PDE4B: variants seen among roughly 807,000 people sequenced by gnomAD.
The protein encoded by PDE4B is phosphodiesterase 4B, also known as 3',5'-cyclic-AMP phosphodiesterase 4B.
A neutral mutation model predicts 82.2 loss-of-function variants in PDE4B; 20 were observed. That is an observed-to-expected ratio of 0.24 (90% CI 0.17 to 0.35). The LOEUF (loss-of-function observed/expected upper bound fraction) is 0.35. Among genes scored for constraint, PDE4B ranks in the 10% least tolerant of loss-of-function variants. PDE4B has a pLI of 1.00. For synonymous variants in PDE4B, 320 were observed against 318.9 expected (o/e 1.00, Z -0.04); for missense variants, 655 against 907.2 (o/e 0.72, Z 3.57).
intron 3 of PDE4B, among the ~76,000 whole-genome samples, chr1:66,040,377 G>A (rs1654302527): frequency 6.6e-6 from 1 of 152,018 alleles, no homozygotes; most frequent in Non-Finnish European, 1.5e-5. Flanking sequence ...GAAGAAGGGG[G>A]CTGGAGGCAC....
At chr1:66,241,725 AAC>A (rs1410736176) in intron 3 of PDE4B, among the ~76,000 whole-genome samples, 1 of 152,064 alleles carries the variant, frequency 6.6e-6, no homozygotes, top group Non-Finnish European at 1.5e-5. Flanking sequence ...CTACCCCCAC[AAC>A]ACACACACTC....
intron 3 of PDE4B, among the ~76,000 whole-genome samples, chr1:65,984,706 G>T (rs1474467882): frequency 6.6e-6 from 1 of 152,110 alleles, no homozygotes. Flanking sequence ...AGTGAGCCGA[G>T]ATGGTGCCAC....
intron 1 of PDE4B, among the ~76,000 whole-genome samples, chr1:65,883,778 A>G (rs1430143169): frequency 6.6e-6 from 1 of 152,140 alleles, no homozygotes; most frequent in Non-Finnish European, 1.5e-5. Flanking sequence ...ATTCAGTATG[A>G]TATTGGCTGT....
chr1:65,811,725 G>A (rs1160209722), intron 1 of PDE4B, among the ~76,000 whole-genome samples: 2 of 152,102 alleles, frequency 1.3e-5, no homozygotes, highest in Non-Finnish European at 2.9e-5. Context: ...TTAAGTACAT[G>A]ATAGCTACTA....
chr1:65,886,287 T>A (rs142982559), intron 1 of PDE4B, among the ~76,000 whole-genome samples: 1 of 152,280 alleles, frequency 6.6e-6, no homozygotes, highest in East Asian at 1.9e-4. Flanking sequence ...ATGGGGTACA[T>A]GTGGTATTTT....
At chr1:66,372,016 C>T (rs2050799862) in intron 16 of PDE4B, among the ~76,000 whole-genome samples, 1 of 152,150 alleles carries the variant, frequency 6.6e-6, no homozygotes, top group African/African-American at 2.4e-5. Flanking sequence ...GGGACTGAGT[C>T]CCAGCTCCAC....
At chr1:66,157,231 C>T (rs1029062451) in intron 3 of PDE4B, among the ~76,000 whole-genome samples, 12 of 152,150 alleles carry the variant, frequency 7.9e-5, no homozygotes, top group Non-Finnish European at 1.5e-4. Context: ...TCTGTCCACA[C>T]GTCCCTAGAA....
chr1:65,984,863 G>A (rs1650874174), intron 3 of PDE4B, among the ~76,000 whole-genome samples: 1 of 152,116 alleles, frequency 6.6e-6, no homozygotes, highest in African/African-American at 2.4e-5. Context: ...TTTTACATAT[G>A]TAATATTGCA....
intron 1 of PDE4B, among the ~76,000 whole-genome samples, chr1:65,836,601 A>G (rs1570994511): frequency 6.6e-6 from 1 of 152,176 alleles, no homozygotes; most frequent in East Asian, 1.9e-4. Flanking sequence ...AAGCACTTGT[A>G]CTATTCTCTG....
intron 3 of PDE4B, among the ~76,000 whole-genome samples, chr1:66,034,335 T>A (rs555273776): frequency 4.6e-5 from 7 of 152,274 alleles, no homozygotes; most frequent in East Asian, 1.9e-4. Context: ...ACAGGAGAGG[T>A]TTTTTGCTAT....
rs72920217 is a variant in PDE4B, at chr1:66,077,972, G to A, written c.281+159137G>A. On this transcript the variant is annotated intron_variant, in intron 3 of 16. Coordinates refer to ENST00000341517, the MANE Select transcript of PDE4B (RefSeq NM_002600.4). The stretch of plus-strand genomic sequence containing the variant: ...TATTTCTCACAATGGTAGCCAGTTC[G>A]TGGATTTTGTGAGAATTAAATAAGT... Among the ~76,000 whole-genome samples the A allele has an allele frequency of 8.8e-3, 1,338 of 152,242 alleles. 20 individuals are homozygous for A. The highest frequency in any genetic ancestry group is 0.03 in the African/African-American group (1,248 of 41,568).
chr1:66,116,211 GT>G (rs5774800), intron 3 of PDE4B, among the ~76,000 whole-genome samples: 145,469 of 151,598 alleles, frequency 0.96, 69,973 homozygotes, highest in East Asian at 1. Flanking sequence ...CTATTTCTGG[GT>G]TTTTTTTTTA....
At chr1:65,957,846 G>A (rs1333796169) in intron 3 of PDE4B, among the ~76,000 whole-genome samples, 3 of 151,954 alleles carry the variant, frequency 2.0e-5, no homozygotes, top group Non-Finnish European at 4.4e-5. Context: ...AATAAAATTA[G>A]ATTTTATATT....
intron 3 of PDE4B, among the ~76,000 whole-genome samples, chr1:65,936,801 T>C (rs1648171209): frequency 6.6e-6 from 1 of 152,188 alleles, no homozygotes; most frequent in Admixed American, 6.5e-5. Context: ...TGAACTCTCC[T>C]TTCAGCCAAA....
chr1:65,870,161 G>GT (rs1454842634), intron 1 of PDE4B, among the ~76,000 whole-genome samples: 1 of 152,112 alleles, frequency 6.6e-6, no homozygotes, highest in East Asian at 1.9e-4. Flanking sequence ...TCCCAAGAGG[G>GT]TTAGTTCTTA....
intron 3 of PDE4B, among the ~76,000 whole-genome samples, chr1:66,206,926 T>C (rs1258686748): frequency 6.6e-6 from 1 of 152,212 alleles, no homozygotes; most frequent in Non-Finnish European, 1.5e-5. Context: ...CAGCCCAGCT[T>C]ATCATGGACT....
chr1:66,354,659 G>C lies in PDE4B; in HGVS notation c.748-868G>C, dbSNP rs61796503. On this transcript the variant is annotated intron_variant, in intron 8 of 16. Transcript: ENST00000341517. ...GGGAGCATAGGCTTCTTGCAAGAATGGAGTGCGAAGATGGGCTTTGTTTGG... is the reference window on the plus strand; with the variant it reads ...GGGAGCATAGGCTTCTTGCAAGAATCGAGTGCGAAGATGGGCTTTGTTTGG... The C allele has an allele frequency of 4.3e-3, 5,977 of 1,397,478 alleles. 15 individuals are homozygous for C. Among genetic ancestry groups the C allele is most frequent in the Non-Finnish European group, 5.2e-3 (5,640 of 1,079,564 alleles). The allele number at this position is 1,397,478 out of a possible 1,614,324, so 86.6% of individuals were successfully genotyped here. A position where few individuals can be genotyped will look rare whatever the true frequency, so the allele number is the denominator to read the frequency against.
chr1:65,851,482 CTATT>C (rs1342859799), intron 1 of PDE4B, among the ~76,000 whole-genome samples: 2 of 151,914 alleles, frequency 1.3e-5, no homozygotes, highest in Non-Finnish European at 2.9e-5. Context: ...GTATGTTTCT[CTATT>C]TATTTAGGTC....
At chr1:65,802,406 G>A (rs531609755) in intron 1 of PDE4B, among the ~76,000 whole-genome samples, 23 of 152,270 alleles carry the variant, frequency 1.5e-4, no homozygotes, top group African/African-American at 4.6e-4. Context: ...AGCTGAGTCC[G>A]TCCTTTTTAA....
Sources: gnomAD v4.1 joint callset for allele counts (sites outside exome capture counted in the v4.1 genomes callset) on GRCh38, gnomAD v4.1.1 for gene constraint, MANE v1.5 for transcripts, NCBI Gene and HGNC (gene_info 2026-07-23, HGNC 2026-07-21) for gene names.